The following ROS1 variants were observed in gnomAD, a reference collection of about 807,000 sequenced individuals.
ROS1 encodes proto-oncogene tyrosine-protein kinase ROS.
Under a neutral mutation model 273.5 loss-of-function variants are expected in ROS1, and 263 were observed. The observed-to-expected ratio is 0.96, with a 90% CI of 0.87 to 1.06. The LOEUF (loss-of-function observed/expected upper bound fraction) is 1.06. Ranked by LOEUF, ROS1 falls within the 50% of genes least tolerant of loss-of-function variation. ROS1 has a pLI of 0.00. For missense variants in ROS1, 2,833 were observed against 2,751.1 expected (o/e 1.03, Z -0.67); for synonymous variants, 1,008 against 954.1 (o/e 1.06, Z -1.04).
chr6:117,412,287 T>C lies in ROS1; in HGVS notation c.255+2232A>G, dbSNP rs145264141. On this transcript the variant is annotated intron_variant, in intron 4 of 43. Coordinates refer to ENST00000368507, the MANE Select transcript of ROS1 (RefSeq NM_001378902.1). Reference sequence around the variant, plus strand: ...AATAAGATCTATTTTGACTATTTTATACTACATATATAAATATATATGTAT... The same window carrying C: ...AATAAGATCTATTTTGACTATTTTACACTACATATATAAATATATATGTAT... Among the ~76,000 whole-genome samples the C allele has an allele frequency of 3.0e-4, 46 of 151,994 alleles. 1 individual carries two copies. In the East Asian group the frequency reaches 8.3e-3, roughly 27 times the overall value.
intron 32 of ROS1, among the ~76,000 whole-genome samples, chr6:117,332,136 T>C (rs533182572): frequency 1.1e-4 from 17 of 150,012 alleles, no homozygotes; most frequent in Non-Finnish European, 2.1e-4. Flanking sequence ...AATAAAGGGA[T>C]TGAGGAAAAT....
In ROS1 at chr6:117,324,392, T is replaced by C. The variant is rs774405508; in HGVS notation, c.5563A>G (p.Ser1855Gly). 6.1e-6 allele frequency: 9 copies of C among 1,487,508 alleles called. No homozygotes were observed. The South Asian group carries it at 1.1e-4, about 18-fold the overall frequency. The allele number at this position is 1,487,508 out of a possible 1,614,324, so 92.1% of individuals were successfully genotyped here. ...CCAACTATAATAGTAAGTATGAAAC[T>C]TGTTTCTGGTATCCAAAAATCATCT... ...VGDDFWIPET[S>G]FILTIIVGIF... The change falls in exon 35 of 44, where the codon AGT becomes GGT. Residue 1855 changes from serine to glycine, a missense_variant. Transcript: ENST00000368507.
intron 21 of ROS1, among the ~76,000 whole-genome samples, chr6:117,363,815 C>T (rs1770012421): frequency 6.6e-6 from 1 of 152,086 alleles, no homozygotes; most frequent in African/African-American, 2.4e-5. Flanking sequence ...TTATCATTTG[C>T]TGTGCATGTG....
chr6:117,360,279 C>CACACACAT, intron 23 of ROS1, 63 bp downstream of exon 23: 1 of 1,030,976 alleles, frequency 9.7e-7, no homozygotes, highest in Non-Finnish European at 1.4e-6. Flanking sequence ...ATGGGACACA[C>CACACACAT]ACACACACAC....
chr6:117,395,403 CA>C (rs904870591), intron 9 of ROS1, among the ~76,000 whole-genome samples: 1 of 151,816 alleles, frequency 6.6e-6, no homozygotes, highest in Non-Finnish European at 1.5e-5. Context: ...TAGGAACAGC[CA>C]AAAAAACAAA....
chr6:117,421,624 C>T (rs1178873034), intron 1 of ROS1, among the ~76,000 whole-genome samples: 2 of 152,272 alleles, frequency 1.3e-5, no homozygotes, highest in Non-Finnish European at 1.5e-5. Context: ...AGTAGTATTC[C>T]ATGGTGTATA....
At chr6:117,368,848 G>A (rs554552323) in intron 18 of ROS1, among the ~76,000 whole-genome samples, 15 of 151,780 alleles carry the variant, frequency 9.9e-5, no homozygotes, top group African/African-American at 3.1e-4. Context: ...CAAACAGAAC[G>A]TCCAAGAATT....
intron 7 of ROS1, among the ~76,000 whole-genome samples, chr6:117,397,369 C>T (rs554019697): frequency 9.9e-5 from 15 of 151,982 alleles, no homozygotes; most frequent in South Asian, 4.2e-4. Flanking sequence ...ATAGTGTATA[C>T]GAATACAATA....
intron 5 of ROS1, among the ~76,000 whole-genome samples, chr6:117,405,273 G>A (rs1189251873): frequency 6.6e-6 from 1 of 152,076 alleles, no homozygotes; most frequent in Non-Finnish European, 1.5e-5. Flanking sequence ...CACCAGACAC[G>A]GACCAAATAA....
intron 7 of ROS1, among the ~76,000 whole-genome samples, chr6:117,401,487 T>C (rs2128721992): frequency 6.6e-6 from 1 of 152,306 alleles, no homozygotes; most frequent in Admixed American, 6.5e-5. Context: ...TCAGAAATAA[T>C]ATTGACATTC....
chr6:117,306,353 G>A (rs1775102496), intron 42 of ROS1, among the ~76,000 whole-genome samples: 1 of 152,052 alleles, frequency 6.6e-6, no homozygotes, highest in South Asian at 2.1e-4. Context: ...CCACACCTGA[G>A]GGACTCTCCA....
At chr6:117,361,949 C>A (rs1299480528) in intron 22 of ROS1, among the ~76,000 whole-genome samples, 1 of 152,022 alleles carries the variant, frequency 6.6e-6, no homozygotes. Flanking sequence ...AAAATACCTA[C>A]AGTGGTGCAA....
At chr6:117,381,183 G>GGT (rs1554245750) in intron 17 of ROS1, among the ~76,000 whole-genome samples, 1 of 118,536 alleles carries the variant, frequency 8.4e-6, no homozygotes, top group South Asian at 2.8e-4. Flanking sequence ...GCAGAGGACT[G>GGT]TTTTTTTTTT....
At chr6:117,387,177 T>C (rs944370752) in intron 14 of ROS1, among the ~76,000 whole-genome samples, 178 bp from the exon 15 acceptor site, 8 of 152,232 alleles carry the variant, frequency 5.3e-5, no homozygotes, top group Non-Finnish European at 1.2e-4. Flanking sequence ...GTAACAAGAA[T>C]GATCCCATTA....
At chr6:117,386,593 T>C (rs991957014) in intron 15 of ROS1, among the ~76,000 whole-genome samples, 3 of 152,256 alleles carry the variant, frequency 2.0e-5, no homozygotes, top group Non-Finnish European at 4.4e-5. Flanking sequence ...TGGAACAAGA[T>C]AGGCTGTTAA....
intron 7 of ROS1, among the ~76,000 whole-genome samples, chr6:117,402,477 T>G (rs9385010): frequency 1.3e-5 from 2 of 152,022 alleles, no homozygotes; most frequent in Admixed American, 6.5e-5. Context: ...TTTCCAATCC[T>G]CTAAATGACA....
intron 41 of ROS1, among the ~76,000 whole-genome samples, chr6:117,309,166 GCA>G (rs1775345574): frequency 6.6e-6 from 1 of 152,160 alleles, no homozygotes; most frequent in Non-Finnish European, 1.5e-5. Flanking sequence ...GCACACATGT[GCA>G]CACACAGAGA....
intron 5 of ROS1, among the ~76,000 whole-genome samples, chr6:117,407,140 G>A (rs1582873886): frequency 6.6e-6 from 1 of 152,100 alleles, no homozygotes; most frequent in South Asian, 2.1e-4. Context: ...ACACTAAAGG[G>A]CAGAAGCAAA....
In ROS1 at chr6:117,352,463, CA is replaced by C. The variant is rs570793656; in HGVS notation, c.4303+526del. ...ATAACACTAAAAACTTCATCAGTGA[CA>C]TTTTTTTTAAAAAAGATAAAAACTT... On this transcript the variant is annotated intron_variant, in intron 27 of 43. Transcript: ENST00000368507. Among the ~76,000 whole-genome samples, 1,008 of 152,126 alleles carry C rather than the reference CA, an allele frequency of 6.6e-3. 9 individuals carry two copies. Among genetic ancestry groups the C allele is most frequent in the African/African-American group, 0.017 (701 of 41,490 alleles).
Sources: allele counts gnomAD v4.1 joint callset (sites outside exome capture counted in the v4.1 genomes callset), GRCh38; gene constraint gnomAD v4.1.1; transcripts MANE v1.5; gene names NCBI Gene and HGNC (gene_info 2026-07-23, HGNC 2026-07-21).